Variants in TTC39B observed in about 807,000 individuals in gnomAD.
TTC39B encodes the protein tetratricopeptide repeat domain 39B.
Under a neutral mutation model 96.6 loss-of-function variants are expected in TTC39B, and 92 were observed. The ratio of observed to expected loss-of-function variants is 0.95; its 90% confidence interval spans 0.80 to 1.13. The LOEUF (loss-of-function observed/expected upper bound fraction) is 1.13. Among genes scored for constraint, TTC39B ranks in the 50% most tolerant of loss-of-function variants. The pLI, the probability that TTC39B is intolerant of heterozygous loss-of-function variation, is 0.00. For synonymous variants in TTC39B, 367 were observed against 299.4 expected, an observed-to-expected ratio of 1.23 and a Z score of -2.33; for missense variants, 955 against 809.3, an observed-to-expected ratio of 1.18 and a Z score of -2.18.
exon 3 of TTC39B, chr9:15,225,926 G>A: frequency 6.2e-7 from 1 of 1,613,712 alleles, no homozygotes; most frequent in Non-Finnish European, 8.5e-7. Context: ...CCTGCTGACA[G>A]TAGACGCTCC....
intron 2 of TTC39B, among the ~76,000 whole-genome samples, chr9:15,251,052 T>C (rs955695543): frequency 1.3e-5 from 2 of 151,916 alleles, no homozygotes; most frequent in Non-Finnish European, 2.9e-5. Context: ...AAAAATTAGC[T>C]GGGTGTGGTG....
intron 1 of TTC39B, among the ~76,000 whole-genome samples, chr9:15,270,765 C>T (rs1480245608): frequency 2.0e-5 from 3 of 150,684 alleles, no homozygotes; most frequent in Admixed American, 6.6e-5. Flanking sequence ...AAAAAAAACA[C>T]GATTTCAAGA....
At chr9:15,225,427 G>A (rs1382403827) in intron 3 of TTC39B, among the ~76,000 whole-genome samples, 1 of 152,024 alleles carries the variant, frequency 6.6e-6, no homozygotes, top group Non-Finnish European at 1.5e-5. Flanking sequence ...TGCAAAAAAT[G>A]TAAGAAAGAA....
At chr9:15,182,325 C>T (rs1818290882) in exon 17 of TTC39B, 2 of 1,610,202 alleles carry the variant, frequency 1.2e-6, no homozygotes, top group Non-Finnish European at 1.7e-6. Flanking sequence ...TGTAAAGCTG[C>T]CTCAGCTTTT....
intron 2 of TTC39B, chr9:15,249,270 C>G (rs1822423485): frequency 6.6e-6 from 1 of 152,066 alleles, no homozygotes. Flanking sequence ...AAAAAAATAC[C>G]CAGCATTGAT....
At chr9:15,275,508 A>G (rs915611904) in intron 1 of TTC39B, among the ~76,000 whole-genome samples, 1 of 152,212 alleles carries the variant, frequency 6.6e-6, no homozygotes, top group African/African-American at 2.4e-5. Flanking sequence ...CTTTCTATGC[A>G]TTTAGGAACT....
intron 2 of TTC39B, among the ~76,000 whole-genome samples, chr9:15,258,218 A>C (rs1261851360): frequency 6.6e-6 from 1 of 152,150 alleles, no homozygotes; most frequent in Non-Finnish European, 1.5e-5. Flanking sequence ...ACTTAAGCTA[A>C]TGTAATAGAG....
rs182852564 is a variant in TTC39B, at chr9:15,246,230, G to A, written c.276-20218C>T. 1.1e-3 allele frequency among the ~76,000 whole-genome samples: 164 copies of A among 152,288 alleles called. 1 individual carries two copies. The highest frequency in any genetic ancestry group is 6.8e-3 in the Middle Eastern group (2 of 294). Reference sequence around the variant, plus strand: ...ATCACGCCATTGCACTCCAGCCTGGGCAACCAGAGTGACAGGAAACTCCAT... The same window carrying A: ...ATCACGCCATTGCACTCCAGCCTGGACAACCAGAGTGACAGGAAACTCCAT... On this transcript the variant is annotated intron_variant, in intron 2 of 19. Transcript: ENST00000512701.
intron 1 of TTC39B, among the ~76,000 whole-genome samples, chr9:15,294,827 C>A (rs1309266157): frequency 6.6e-6 from 1 of 152,190 alleles, no homozygotes; most frequent in East Asian, 1.9e-4. Context: ...TTGACAATGC[C>A]ACAAGCCAAC....
At chr9:15,303,105 T>C (rs769062874) in intron 1 of TTC39B, among the ~76,000 whole-genome samples, 94 of 152,114 alleles carry the variant, frequency 6.2e-4, no homozygotes, top group Middle Eastern at 3.4e-3. Flanking sequence ...GAGGCAGAGG[T>C]TGCAGTGAGC....
chr9:15,213,201 G>C (rs1820307720), intron 4 of TTC39B, among the ~76,000 whole-genome samples: 1 of 152,058 alleles, frequency 6.6e-6, no homozygotes, highest in Non-Finnish European at 1.5e-5. Context: ...GACAAAAGGA[G>C]GTAGAGACAG....
chr9:15,189,694 T>C (rs1197025917), intron 12 of TTC39B, 31 bp downstream of exon 12: 1 of 1,614,096 alleles, frequency 6.2e-7, no homozygotes, highest in East Asian at 2.2e-5. Flanking sequence ...TAATTATGGT[T>C]GAAACATACA....
At chr9:15,241,049 C>T (rs752140890) in intron 2 of TTC39B, among the ~76,000 whole-genome samples, 2 of 152,282 alleles carry the variant, frequency 1.3e-5, no homozygotes, top group Admixed American at 6.5e-5. Flanking sequence ...GGCGCTCTCA[C>T]GAGTTCTCTA....
At chr9:15,235,715 A>C (rs1353858476) in intron 2 of TTC39B, among the ~76,000 whole-genome samples, 1 of 152,206 alleles carries the variant, frequency 6.6e-6, no homozygotes, top group Admixed American at 6.5e-5. Context: ...TGCCAAACTA[A>C]GCTTCATCAA....
intron 9 of TTC39B, 24 bp downstream of exon 9, chr9:15,192,566 G>C: frequency 6.3e-7 from 1 of 1,583,262 alleles, no homozygotes; most frequent in Non-Finnish European, 8.7e-7. Flanking sequence ...AAAAGTTCTG[G>C]TTTCTATACA....
intron 8 of TTC39B, among the ~76,000 whole-genome samples, chr9:15,197,451 A>T (rs1245894018): frequency 1.3e-5 from 2 of 152,228 alleles, no homozygotes; most frequent in East Asian, 3.8e-4. Flanking sequence ...ACCTCTTAAA[A>T]TACTAAATTT....
chr9:15,282,331 A>G (rs1227534456), intron 1 of TTC39B, among the ~76,000 whole-genome samples: 1 of 152,234 alleles, frequency 6.6e-6, no homozygotes. Flanking sequence ...AAACAAATGC[A>G]GTAAAAGGAA....
exon 18 of TTC39B, chr9:15,177,754 A>G: frequency 6.2e-7 from 1 of 1,613,608 alleles, no homozygotes. Flanking sequence ...TAAGTTCTTG[A>G]GGCAACATCC....
At chr9:15,210,309 G>T in intron 5 of TTC39B, 145 bp from the exon 6 acceptor site, 3 of 596,646 alleles carry the variant, frequency 5.0e-6, no homozygotes, top group Non-Finnish European at 8.9e-6. Context: ...ATAGGACACA[G>T]ATCATCCTTT....
Sources: gnomAD v4.1 joint callset for allele counts (sites outside exome capture counted in the v4.1 genomes callset) on GRCh38, gnomAD v4.1.1 for gene constraint, MANE v1.5 for transcripts, NCBI Gene and HGNC (gene_info 2026-07-23, HGNC 2026-07-21) for gene names.